Variants in HMGN5 observed in about 807,000 individuals in gnomAD.
HMGN5 encodes the protein high mobility group nucleosome-binding domain-containing protein 5.
A neutral mutation model predicts 9.5 loss-of-function variants in HMGN5; 4 were observed. That is an observed-to-expected ratio of 0.42 (90% CI 0.21 to 0.96). The LOEUF (loss-of-function observed/expected upper bound fraction) is 0.96, where lower values mean the gene tolerates loss of function less well. HMGN5 is among the 40% of genes least tolerant of loss of function. The pLI, the probability that HMGN5 is intolerant of heterozygous loss-of-function variation, is 0.30. For missense variants in HMGN5, 192 were observed against 187.5 expected (o/e 1.02, Z -0.14); for synonymous variants, 55 against 57.1 (o/e 0.96, Z 0.16).
At chrX:81,156,177 A>C (rs919853862) in intron 1 of HMGN5, among the ~76,000 whole-genome samples, 1 of 112,098 alleles carries the variant, frequency 8.9e-6, no homozygotes, top group African/African-American at 3.2e-5. Context: ...TTTTCTAAAA[A>C]TCAAATGGTC....
chrX:81,121,500 A>T (rs909289035), intron 2 of HMGN5, 35 bp downstream of exon 2: 4 of 1,177,457 alleles, frequency 3.4e-6, no homozygotes, highest in Non-Finnish European at 3.5e-6. Flanking sequence ...GTAACTCAGC[A>T]GCTCATTCCC....
chrX:81,139,468 C>A (rs2147552495), intron 1 of HMGN5, among the ~76,000 whole-genome samples: 1 of 110,766 alleles, frequency 9.0e-6, no homozygotes, highest in Non-Finnish European at 1.9e-5. Context: ...ATTATCTTCC[C>A]CGCAAGGACA....
At chrX:81,200,297 T>C (rs1342420409) in intron 1 of HMGN5, among the ~76,000 whole-genome samples, 3 of 112,012 alleles carry the variant, frequency 2.7e-5, no homozygotes, top group Non-Finnish European at 5.6e-5. Flanking sequence ...TGGAAGACAG[T>C]GTGGCGATCC....
At chrX:81,131,656 T>C (rs2075297882) in intron 1 of HMGN5, among the ~76,000 whole-genome samples, 1 of 111,595 alleles carries the variant, frequency 9.0e-6, no homozygotes, top group Admixed American at 9.6e-5. Context: ...AAATTAAAAT[T>C]ATCTTTATCC....
chrX:81,179,009 T>A, intron 1 of HMGN5, among the ~76,000 whole-genome samples: 1 of 111,898 alleles, frequency 8.9e-6, no homozygotes, highest in Non-Finnish European at 1.9e-5. Flanking sequence ...CAGCTCTTCA[T>A]GCTAAAAACT....
intron 1 of HMGN5, among the ~76,000 whole-genome samples, chrX:81,130,550 AT>A (rs1183553658): frequency 9.0e-6 from 1 of 111,440 alleles, no homozygotes; most frequent in East Asian, 2.8e-4. Context: ...ATCTATTATT[AT>A]AAGAAAACTC....
chrX:81,195,894 T>C (rs1251654672), intron 1 of HMGN5, among the ~76,000 whole-genome samples: 5 of 111,723 alleles, frequency 4.5e-5, no homozygotes, highest in African/African-American at 1.6e-4. Flanking sequence ...TTTCTATAGC[T>C]GAGTGGCGCC....
At chrX:81,160,202 C>A (rs1219626656) in intron 1 of HMGN5, among the ~76,000 whole-genome samples, 1 of 111,056 alleles carries the variant, frequency 9.0e-6, no homozygotes, top group East Asian at 2.8e-4. Context: ...TTTCTTGATT[C>A]AGGAAAATTT....
intron 5 of HMGN5, 152 bp from the exon 6 acceptor site, chrX:81,116,493 A>T (rs1354112768): frequency 2.6e-6 from 1 of 386,285 alleles, no homozygotes; most frequent in African/African-American, 2.6e-5. Context: ...ATTATCATAT[A>T]ATATCTTCAT....
intron 1 of HMGN5, among the ~76,000 whole-genome samples, chrX:81,141,855 A>C (rs1189717266): frequency 8.9e-6 from 1 of 112,121 alleles, no homozygotes. Flanking sequence ...AATGAACTAA[A>C]TAAGGAATCA....
At chrX:81,177,216 A>T (rs765132817) in intron 1 of HMGN5, among the ~76,000 whole-genome samples, 2 of 107,930 alleles carry the variant, frequency 1.9e-5, no homozygotes, top group African/African-American at 3.4e-5. Context: ...TTAAAAAAAA[A>T]TTTCAACCCA....
rs1357667142 is a variant in HMGN5 at position 81,114,950 on chromosome X, T to C, written c.548A>G (p.Lys183Arg). Reference sequence around the variant, plus strand: ...CTCTTTTCCATCTTCTCCATTTCCTTTTCCGTCTTCACCTTTTTTTCCATC... The same window carrying C: ...CTCTTTTCCATCTTCTCCATTTCCTCTTCCGTCTTCACCTTTTTTTCCATC... ...KEDGKKGEDG[K>R]GNGEDGKEKG... Residue 183 changes from lysine to arginine, a missense_variant, in exon 7 of 7, where the codon AAA becomes AGA. Transcript: ENST00000358130. 6.9e-6 allele frequency: 8 copies of C among 1,157,233 alleles called. No individual in the cohort carries two copies. The highest frequency in any genetic ancestry group is 8.0e-6 in the Non-Finnish European group (7 of 870,661).
At chrX:81,145,665 T>A (rs1253507274) in intron 1 of HMGN5, among the ~76,000 whole-genome samples, 2 of 111,499 alleles carry the variant, frequency 1.8e-5, no homozygotes, top group African/African-American at 6.5e-5. Flanking sequence ...TAACCTTAAA[T>A]GTAAATCAGC....
intron 1 of HMGN5, among the ~76,000 whole-genome samples, chrX:81,177,163 G>A (rs2075444600): frequency 9.3e-6 from 1 of 108,100 alleles, no homozygotes; most frequent in Non-Finnish European, 1.9e-5. Context: ...ACTAATACAT[G>A]TTCTAAGATT....
chrX:81,160,294 T>A (rs1477628100), intron 1 of HMGN5, among the ~76,000 whole-genome samples: 1 of 112,123 alleles, frequency 8.9e-6, no homozygotes, highest in Non-Finnish European at 1.9e-5. Context: ...AACAAGACCC[T>A]GTGGTAATGT....
chrX:81,140,705 C>A (rs944247620), intron 1 of HMGN5, among the ~76,000 whole-genome samples: 2 of 111,279 alleles, frequency 1.8e-5, no homozygotes, highest in Non-Finnish European at 3.8e-5. Context: ...AGACTTTCTG[C>A]CTTCAGGTGA....
intron 1 of HMGN5, among the ~76,000 whole-genome samples, chrX:81,148,186 G>A (rs2075350689): frequency 8.9e-6 from 1 of 111,776 alleles, no homozygotes; most frequent in Non-Finnish European, 1.9e-5. Flanking sequence ...ACAATCCTAA[G>A]CAAAAAGAAC....
chrX:81,159,970 T>G (rs776934051), intron 1 of HMGN5, among the ~76,000 whole-genome samples: 2 of 112,395 alleles, frequency 1.8e-5, no homozygotes, highest in African/African-American at 6.4e-5. Context: ...ATACTTGAGT[T>G]TTTTATCATT....
rs1450618550 is a variant in HMGN5, at chrX:81,114,722, T to C, written c.776A>G (p.Glu259Gly). Residue 259 changes from glutamate to glycine, a missense_variant, in exon 7 of 7, where the codon GAG (glutamate) becomes GGG (glycine). Glu to Gly is a moderately conservative substitution (Grantham distance 98). Coordinates refer to ENST00000358130, the MANE Select transcript of HMGN5 (RefSeq NM_030763.3). ...AGKEKEDLKEEEEGKEEDEIK... is the reference protein window; with the variant it reads ...AGKEKEDLKEGEEGKEEDEIK... ...CTCATCTTCCTCTTTTCCTTCTTCCTCTTCTTTTAAATCTTCTTTCTCTTT... is the reference window on the plus strand; with the variant it reads ...CTCATCTTCCTCTTTTCCTTCTTCCCCTTCTTTTAAATCTTCTTTCTCTTT... 1 of 1,161,893 alleles carries C rather than the reference T, an allele frequency of 8.6e-7. No individual in the cohort carries two copies. The highest frequency in any genetic ancestry group is 2.6e-5 in the Admixed American group (1 of 37,791).
Sources: gnomAD v4.1 joint callset for allele counts (sites outside exome capture counted in the v4.1 genomes callset) on GRCh38, gnomAD v4.1.1 for gene constraint, MANE v1.5 for transcripts, NCBI Gene and HGNC (gene_info 2026-07-23, HGNC 2026-07-21) for gene names.